Variants in ARHGAP26 observed in about 807,000 individuals in gnomAD.
ARHGAP26 encodes the protein rho GTPase-activating protein 26.
ARHGAP26 carries 38 observed loss-of-function variants against 104.8 expected under a neutral mutation model. The observed-to-expected ratio is 0.36, with a 90% confidence interval of 0.28 to 0.48. ARHGAP26 has a LOEUF of 0.48. Ranked by LOEUF, ARHGAP26 falls within the 20% of genes least tolerant of loss-of-function variation. ARHGAP26 has a pLI of 0.99. For missense variants in ARHGAP26, 704 were observed against 947.9 expected (o/e 0.74, Z 3.38); for synonymous variants, 341 against 340.0 (o/e 1.00, Z -0.03).
chr5:143,198,888 G>A (rs1415026533), intron 20 of ARHGAP26, among the ~76,000 whole-genome samples: 1 of 152,166 alleles, frequency 6.6e-6, no homozygotes, highest in Non-Finnish European at 1.5e-5. Flanking sequence ...GCTGAGGTTT[G>A]GGGTACAAAT....
chr5:143,052,624 C>T (rs1785207095), intron 14 of ARHGAP26, among the ~76,000 whole-genome samples: 1 of 152,184 alleles, frequency 6.6e-6, no homozygotes, highest in South Asian at 2.1e-4. Context: ...GGGACCCTTT[C>T]CTCTCTCATA....
chr5:142,893,717 A>G (rs138350432), intron 5 of ARHGAP26, among the ~76,000 whole-genome samples: 9 of 152,210 alleles, frequency 5.9e-5, no homozygotes, highest in Admixed American at 5.2e-4. Flanking sequence ...TCCCACCATC[A>G]GTTCCCTTTT....
At chr5:142,849,519 C>G (rs1432336699) in intron 1 of ARHGAP26, among the ~76,000 whole-genome samples, 8 of 152,190 alleles carry the variant, frequency 5.3e-5, no homozygotes, top group Admixed American at 2.0e-4. Context: ...CTTCATTCAT[C>G]CCCTTCTGAA....
intron 11 of ARHGAP26, among the ~76,000 whole-genome samples, chr5:142,990,429 C>A (rs245719): frequency 0.26 from 39,741 of 152,010 alleles, 5,649 homozygotes; most frequent in East Asian, 0.52. Context: ...GAAGTTTATT[C>A]TTACCGATCA....
At chr5:142,933,327 C>A (rs1196848923) in intron 11 of ARHGAP26, among the ~76,000 whole-genome samples, 1 of 152,114 alleles carries the variant, frequency 6.6e-6, no homozygotes, top group East Asian at 1.9e-4. Flanking sequence ...CTGTTTATTT[C>A]TCTTAGCACT....
chr5:142,770,838 A>T lies in ARHGAP26; in HGVS notation c.77A>T (p.Glu26Val). ...PHFRETLKSH[E>V]AELDKTNKFI... ...TTCCGAGAGACGCTCAAGTCGCACG[A>T]AGCAGAGCTGGACAAGACCAACAAA... The change falls in exon 1 of 23, where the codon GAA (glutamate) becomes GTA (valine). Residue 26 changes from glutamate to valine, a missense_variant. Glu to Val is a moderately radical substitution (Grantham distance 121). This residue lies in a region of ARHGAP26 where 77 missense variants were observed against 82.6 expected (regional missense o/e 0.93). Transcript: ENST00000645722. 1 of 1,611,786 alleles carries T rather than the reference A, an allele frequency of 6.2e-7. No individual in the cohort carries two copies.
intron 1 of ARHGAP26, among the ~76,000 whole-genome samples, chr5:142,826,818 G>C (rs1239757964): frequency 6.6e-6 from 1 of 152,202 alleles, no homozygotes; most frequent in African/African-American, 2.4e-5. Flanking sequence ...GCCAAGACTT[G>C]AAAACTTTTA....
intron 7 of ARHGAP26, among the ~76,000 whole-genome samples, chr5:142,902,300 C>CGTCTGTA (rs1760470162): frequency 1.3e-5 from 2 of 152,262 alleles, no homozygotes; most frequent in South Asian, 4.1e-4. Flanking sequence ...AAATTTGTAG[C>CGTCTGTA]GTCTGTAGCA....
chr5:143,073,486 T>C (rs246645), intron 17 of ARHGAP26, among the ~76,000 whole-genome samples: 12,392 of 152,226 alleles, frequency 0.081, 1,231 homozygotes, highest in African/African-American at 0.24. Context: ...TATTAAGTAA[T>C]TGCTATGGAA....
At chr5:143,136,579 C>T (rs956395650) in intron 19 of ARHGAP26, among the ~76,000 whole-genome samples, 5 of 151,662 alleles carry the variant, frequency 3.3e-5, no homozygotes, top group South Asian at 2.1e-4. Flanking sequence ...TTTTTTTCTG[C>T]GAAGCTAGCA....
intron 11 of ARHGAP26, among the ~76,000 whole-genome samples, chr5:142,968,088 A>G (rs1308221550): frequency 6.6e-6 from 1 of 151,896 alleles, no homozygotes; most frequent in Non-Finnish European, 1.5e-5. Flanking sequence ...TCCTCCTCCT[A>G]TTCCTCCACC....
intron 20 of ARHGAP26, among the ~76,000 whole-genome samples, chr5:143,191,294 C>T (rs187780452): frequency 3.3e-4 from 50 of 152,192 alleles, no homozygotes; most frequent in African/African-American, 1.1e-3. Context: ...ACAAATGATA[C>T]CAAAATTAAG....
At chr5:142,938,108 A>T (rs1765713478) in intron 11 of ARHGAP26, among the ~76,000 whole-genome samples, 1 of 152,178 alleles carries the variant, frequency 6.6e-6, no homozygotes, top group Non-Finnish European at 1.5e-5. Context: ...CTAGTTAACA[A>T]TATTGTCCTA....
chr5:142,770,986 G>C (rs1356713328), intron 1 of ARHGAP26, 71 bp downstream of exon 1: 1 of 1,496,662 alleles, frequency 6.7e-7, no homozygotes, highest in Non-Finnish European at 9.0e-7. Flanking sequence ...CTTAGCCCGG[G>C]TTGCCCGCGC....
intron 20 of ARHGAP26, among the ~76,000 whole-genome samples, chr5:143,154,515 A>G (rs141445476): frequency 2.0e-5 from 3 of 152,274 alleles, no homozygotes; most frequent in African/African-American, 7.2e-5. Context: ...TCCCTCAGCC[A>G]TGGTATGTAT....
chr5:143,063,676 T>C (rs1167233061), intron 17 of ARHGAP26, among the ~76,000 whole-genome samples: 1 of 152,210 alleles, frequency 6.6e-6, no homozygotes. Context: ...TGCTCCATCC[T>C]TTTACCTTTT....
At chr5:143,072,192 G>GA (rs926026332) in intron 17 of ARHGAP26, among the ~76,000 whole-genome samples, 1 of 152,126 alleles carries the variant, frequency 6.6e-6, no homozygotes, top group African/African-American at 2.4e-5. Flanking sequence ...TCAGGGAAAT[G>GA]AAAATTAAAA....
chr5:143,219,644 G>T (rs918573383), intron 22 of ARHGAP26, among the ~76,000 whole-genome samples: 4 of 152,182 alleles, frequency 2.6e-5, no homozygotes, highest in East Asian at 1.9e-4. Context: ...AAGAAAGGGG[G>T]CACTGGTGCT....
chr5:142,931,912 C>G, intron 10 of ARHGAP26, 135 bp from the exon 11 acceptor site: 1 of 784,244 alleles, frequency 1.3e-6, no homozygotes, highest in Non-Finnish European at 2.2e-6. Flanking sequence ...TTAGTAAAGC[C>G]GAGTGTTTTG....
Sources: gnomAD v4.1 joint callset for allele counts (sites outside exome capture counted in the v4.1 genomes callset) on GRCh38, gnomAD v4.1.1 for gene constraint, gnomAD v4.1.1 regional missense constraint, MANE v1.5 for transcripts, NCBI Gene and HGNC (gene_info 2026-07-23, HGNC 2026-07-21) for gene names.